Variants in GMEB2 observed in about 807,000 individuals in gnomAD.
GMEB2 encodes glucocorticoid modulatory element-binding protein 2.
A neutral mutation model predicts 45.7 loss-of-function variants in GMEB2; 7 were observed. That is an observed-to-expected ratio of 0.15 (90% CI 0.09 to 0.29). The LOEUF is 0.29. Ranked by LOEUF, GMEB2 falls within the 10% of genes least tolerant of loss-of-function variation. The pLI is 1.00. For missense variants in GMEB2, 582 were observed against 739.2 expected, an observed-to-expected ratio of 0.79 and a Z score of 2.47; for synonymous variants, 322 against 323.6, an observed-to-expected ratio of 1.00 and a Z score of 0.05.
intron 1 of GMEB2, among the ~76,000 whole-genome samples, chr20:63,622,448 C>A (rs1279939813): frequency 6.6e-6 from 1 of 152,240 alleles, no homozygotes; most frequent in African/African-American, 2.4e-5. Flanking sequence ...CTTGCTAAAT[C>A]TTACTCAACC....
chr20:63,598,591 C>CG (rs1325457540), intron 4 of GMEB2, among the ~76,000 whole-genome samples: 1 of 152,118 alleles, frequency 6.6e-6, no homozygotes, highest in Admixed American at 6.5e-5. Flanking sequence ...GGCCCGAGTA[C>CG]GGGGGCCGCC....
intron 4 of GMEB2, 21 bp downstream of exon 4, chr20:63,602,944 C>T (rs763834771): frequency 3.5e-5 from 56 of 1,612,008 alleles, no homozygotes; most frequent in Non-Finnish European, 4.6e-5. Context: ...CTCCTGGGCC[C>T]TGAATGCAGC....
chr20:63,594,007 A>G (rs905047871), intron 6 of GMEB2, among the ~76,000 whole-genome samples: 1 of 152,226 alleles, frequency 6.6e-6, no homozygotes, highest in Non-Finnish European at 1.5e-5. Context: ...GCGACAGAGC[A>G]GGACTCCTTC....
At chr20:63,606,344 A>G (rs2089518980) in intron 2 of GMEB2, among the ~76,000 whole-genome samples, 1 of 138,154 alleles carries the variant, frequency 7.2e-6, no homozygotes, top group African/African-American at 2.6e-5. Flanking sequence ...AAACACCACA[A>G]ACAATTTTTT....
At chr20:63,607,851 A>C (rs1352123880) in intron 2 of GMEB2, among the ~76,000 whole-genome samples, 1 of 14,014 alleles carries the variant, frequency 7.1e-5, no homozygotes, top group African/African-American at 1.5e-4. Context: ...CTCTGACCCC[A>C]CCTCCATTTC....
intron 1 of GMEB2, among the ~76,000 whole-genome samples, chr20:63,621,577 G>A (rs1173511337): frequency 7.0e-6 from 1 of 143,200 alleles, no homozygotes; most frequent in African/African-American, 2.6e-5. Context: ...TGGGGCAGGA[G>A]ACCTGCTTGA....
intron 6 of GMEB2, among the ~76,000 whole-genome samples, chr20:63,595,038 CTG>C (rs2083182441): frequency 6.6e-6 from 1 of 152,208 alleles, no homozygotes; most frequent in East Asian, 1.9e-4. Context: ...CCCAGCCTAA[CTG>C]TAGTTTTAAG....
intron 1 of GMEB2, among the ~76,000 whole-genome samples, chr20:63,622,470 G>C (rs1312525160): frequency 6.6e-6 from 1 of 152,180 alleles, no homozygotes; most frequent in African/African-American, 2.4e-5. Context: ...ACATTTTCCA[G>C]CATGGGAACA....
chr20:63,623,012 G>A (rs2089649535), intron 1 of GMEB2, among the ~76,000 whole-genome samples: 1 of 152,178 alleles, frequency 6.6e-6, no homozygotes, highest in South Asian at 2.1e-4. Flanking sequence ...GAGAACACCA[G>A]TGAGGGCTCC....
intron 5 of GMEB2, 102 bp from the exon 6 acceptor site, chr20:63,595,869 T>A: frequency 9.7e-7 from 1 of 1,030,282 alleles, no homozygotes; most frequent in Non-Finnish European, 1.5e-6. Context: ...GGGGCAGGCC[T>A]AGCAGAGGCG....
chr20:63,625,570 G>A (rs886963764), intron 1 of GMEB2, among the ~76,000 whole-genome samples: 3 of 151,644 alleles, frequency 2.0e-5, no homozygotes, highest in African/African-American at 7.3e-5. Flanking sequence ...CAAATTATTA[G>A]GTAAATCAGA....
At chr20:63,605,501 C>T (rs561859809) in intron 2 of GMEB2, among the ~76,000 whole-genome samples, 15 of 142,878 alleles carry the variant, frequency 1.0e-4, no homozygotes, top group Non-Finnish European at 2.1e-4. Flanking sequence ...CCAGCCTGGG[C>T]GACAGAGCAA....
At position 63,590,348 on chromosome 20, in the gene GMEB2, A is replaced by C. The variant is rs2083134386; in HGVS notation, c.1334T>G (p.Val445Gly). ...GCTGGACGCGTCCGGGTGGATCTCC[A>C]CTGTGCTGGGGTAGGTGGAGCCGGA... ...ASSGSTYPST[V>G]EIHPDASSLT... The change falls in exon 10 of 10, where the codon GTG becomes GGG. Residue 445 changes from valine (V) to glycine (G), a missense_variant. Val to Gly is a moderately radical substitution (Grantham distance 109). Transcript: ENST00000370077. The C allele has an allele frequency of 6.2e-7, 1 of 1,611,620 alleles. No individual in the cohort carries two copies. The highest frequency in any genetic ancestry group is 2.2e-5 in the East Asian group (1 of 44,812).
chr20:63,621,717 T>C (rs1292800818), intron 1 of GMEB2, among the ~76,000 whole-genome samples: 1 of 150,498 alleles, frequency 6.6e-6, no homozygotes, highest in East Asian at 2.0e-4. Flanking sequence ...GGTTAAATTT[T>C]ATGTTATGTA....
intron 4 of GMEB2, among the ~76,000 whole-genome samples, chr20:63,600,325 G>A (rs189066263): frequency 1.3e-5 from 2 of 151,908 alleles, no homozygotes; most frequent in East Asian, 3.9e-4. Context: ...GATTACAGGC[G>A]TGAGTCACCA....
At chr20:63,601,207 A>G (rs1411555077) in intron 4 of GMEB2, among the ~76,000 whole-genome samples, 3 of 152,204 alleles carry the variant, frequency 2.0e-5, no homozygotes, top group East Asian at 3.8e-4. Flanking sequence ...ACCCATGACT[A>G]TCACTATTTA....
chr20:63,618,530 T>TA (rs889786180), intron 2 of GMEB2, among the ~76,000 whole-genome samples: 48 of 152,330 alleles, frequency 3.2e-4, no homozygotes, highest in Middle Eastern at 6.8e-3. Flanking sequence ...GTTGGCAGTC[T>TA]AGAGTCGTCC....
chr20:63,597,858 G>A lies in GMEB2; in HGVS notation c.360C>T (p.Tyr120=), dbSNP rs372006490. ...CPGINVKCVQ[Y]DEHVISPKEF... is the part of the protein sequence containing the mutation. ...CCTTTGGGCTGATTACATGCTCGTCGTACTGTGGGGGACACAGTCATGTGG... is the reference window on the plus strand; with the variant it reads ...CCTTTGGGCTGATTACATGCTCGTCATACTGTGGGGGACACAGTCATGTGG... Residue 120 remains tyrosine (Y), a splice_region_variant and synonymous_variant, in exon 5 of 10, where the codon TAC becomes TAT. Coordinates refer to ENST00000370077, the MANE Select transcript of GMEB2 (RefSeq NM_012384.5). 93 of 1,574,090 alleles carry A rather than the reference G, an allele frequency of 5.9e-5. 1 individual carries two copies. In the South Asian group the frequency reaches 7.4e-4, roughly 13 times the overall value.
At position 63,589,370 on chromosome 20, in the gene GMEB2, A is replaced by G. The variant is rs923468325; in HGVS notation, c.*719T>C. 2.5e-6 allele frequency: 1 copy of G among 397,110 alleles called. No homozygotes were observed. 24.6% of individuals were successfully genotyped at this position (397,110 alleles called of 1,614,324 possible). A position where few individuals can be genotyped will look rare whatever the true frequency, so the allele number is the denominator to read the frequency against. On this transcript the variant is annotated 3_prime_UTR_variant, in exon 10 of 10. Coordinates refer to ENST00000370077, the MANE Select transcript of GMEB2 (RefSeq NM_012384.5). The stretch of plus-strand genomic sequence containing the variant: ...TAAATCTGACTCTTCCTAGAAGCCT[A>G]CTAAGCAATTCACTTAAAAACACCC...
Sources: gnomAD v4.1 joint callset for allele counts (sites outside exome capture counted in the v4.1 genomes callset) on GRCh38, gnomAD v4.1.1 for gene constraint, MANE v1.5 for transcripts, NCBI Gene and HGNC (gene_info 2026-07-23, HGNC 2026-07-21) for gene names.